MCMBP: variants seen among roughly 807,000 people sequenced by gnomAD.
The protein encoded by MCMBP is minichromosome maintenance complex binding protein.
A neutral mutation model predicts 81.3 loss-of-function variants in MCMBP; 31 were observed. The ratio of observed to expected loss-of-function variants is 0.38; its 90% CI spans 0.29 to 0.51. MCMBP has a LOEUF of 0.51. MCMBP is among the 20% of genes least tolerant of loss of function. The probability of loss-of-function intolerance (pLI) is 0.87; values close to 1 mark genes in which losing one functional copy is unlikely to be tolerated. For missense variants in MCMBP, 645 were observed against 772.1 expected (o/e 0.84, Z 1.95); for synonymous variants, 267 against 275.9 (o/e 0.97, Z 0.32).
chr10:119,841,071 A>G (rs1852415312), intron 10 of MCMBP, 111 bp from the exon 11 acceptor site: 1 of 709,650 alleles, frequency 1.4e-6, no homozygotes, highest in Non-Finnish European at 2.5e-6. Flanking sequence ...ATAAACCAGA[A>G]TATTCTGACC....
intron 14 of MCMBP, among the ~76,000 whole-genome samples, chr10:119,832,705 C>A (rs1419603814): frequency 6.6e-6 from 1 of 152,144 alleles, no homozygotes; most frequent in Non-Finnish European, 1.5e-5. Flanking sequence ...TGGAAGGACC[C>A]ATTTGCAAGG....
rs1227528977 is a variant in MCMBP at position 119,872,826 on chromosome 10, G to A, written c.-242C>T. ...TCAGGCGGGCGCGTACGGGCCCCTA[G>A]CCTTCACTTCGCACAATGGCGGGAA... is the stretch of plus-strand genomic sequence containing the variant. On this transcript the variant is annotated 5_prime_UTR_variant, in exon 1 of 16. Coordinates refer to ENST00000369077, the MANE Select transcript of MCMBP (RefSeq NM_001256378.2). 6.1e-6 allele frequency: 1 copy of A among 165,288 alleles called. No homozygotes were observed. The highest frequency in any genetic ancestry group is 2.4e-5 in the African/African-American group (1 of 41,574). 10.2% of individuals were successfully genotyped at this position (165,288 alleles called of 1,614,324 possible). A position where few individuals can be genotyped will look rare whatever the true frequency, so the allele number is the denominator to read the frequency against.
chr10:119,837,005 C>T lies in MCMBP; in HGVS notation c.1433G>A (p.Ser478Asn). The T allele has an allele frequency of 1.2e-6, 2 of 1,613,630 alleles. No individual in the cohort carries two copies. The highest frequency in any genetic ancestry group is 1.1e-5 in the South Asian group (1 of 91,010). Residue 478 changes from serine (S) to asparagine (N), a missense_variant, in exon 13 of 16, where the codon AGC becomes AAC. Physicochemically the swap from Ser to Asn is conservative, Grantham distance 46. Transcript: ENST00000369077. The stretch of plus-strand genomic sequence containing the variant: ...CACCTTCTGCCACGTTATGAGGTTG[C>T]TCAGGGCTGTCACATTATGAACACC... ...TPGVHNVTAL[S>N]NLITWQKVDY...
chr10:119,863,095 A>G (rs1005040509), intron 1 of MCMBP, among the ~76,000 whole-genome samples: 3 of 152,176 alleles, frequency 2.0e-5, no homozygotes, highest in Non-Finnish European at 4.4e-5. Context: ...CCCAGTGTAT[A>G]GCTTGTCTTT....
chr10:119,835,491 C>T (rs1306855492), intron 14 of MCMBP, 49 bp downstream of exon 14: 3 of 1,496,322 alleles, frequency 2.0e-6, no homozygotes, highest in Non-Finnish European at 2.7e-6. Flanking sequence ...AAATTGGTTG[C>T]ATACTGCAAT....
chr10:119,841,430 G>C (rs1195920026), intron 10 of MCMBP, among the ~76,000 whole-genome samples: 1 of 152,210 alleles, frequency 6.6e-6, no homozygotes, highest in Non-Finnish European at 1.5e-5. Context: ...CTTTATAATA[G>C]AGAAAAGCTA....
intron 9 of MCMBP, 178 bp from the exon 10 acceptor site, chr10:119,842,773 T>C: frequency 3.1e-6 from 2 of 637,098 alleles, no homozygotes; most frequent in East Asian, 7.2e-5. Context: ...CCTCCTTTTT[T>C]TTTTTTTTGA....
At chr10:119,862,309 C>A (rs562303441) in intron 1 of MCMBP, among the ~76,000 whole-genome samples, 74 of 152,044 alleles carry the variant, frequency 4.9e-4, no homozygotes, top group African/African-American at 1.7e-3. Context: ...CTTCGTCCCC[C>A]CCCACACCAC....
At chr10:119,832,680 T>C (rs1589771514) in intron 14 of MCMBP, among the ~76,000 whole-genome samples, 1 of 152,126 alleles carries the variant, frequency 6.6e-6, no homozygotes, top group East Asian at 1.9e-4. Context: ...TCTGACCACC[T>C]GTCTGGTGGC....
At chr10:119,868,913 G>A (rs964329043) in intron 1 of MCMBP, among the ~76,000 whole-genome samples, 2 of 152,318 alleles carry the variant, frequency 1.3e-5, no homozygotes, top group Non-Finnish European at 2.9e-5. Flanking sequence ...GGAGTATGAG[G>A]AGGGGGTACG....
intron 11 of MCMBP, among the ~76,000 whole-genome samples, chr10:119,839,830 G>A (rs892603807): frequency 2.0e-5 from 3 of 152,154 alleles, no homozygotes; most frequent in Non-Finnish European, 2.9e-5. Flanking sequence ...AAAGGCTATC[G>A]AAACCATCCT....
intron 1 of MCMBP, among the ~76,000 whole-genome samples, chr10:119,870,791 G>C (rs1019448629): frequency 6.6e-6 from 1 of 152,082 alleles, no homozygotes; most frequent in Non-Finnish European, 1.5e-5. Context: ...CAGCTTCTAC[G>C]AACACATTAT....
intron 10 of MCMBP, 24 bp from the exon 11 acceptor site, chr10:119,840,984 A>C: frequency 7.4e-7 from 1 of 1,353,304 alleles, no homozygotes; most frequent in Non-Finnish European, 1.1e-6. Context: ...AAATCAATCA[A>C]TAAGATGCTG....
intron 10 of MCMBP, among the ~76,000 whole-genome samples, chr10:119,841,200 CCATT>C (rs1331987081): frequency 6.6e-6 from 1 of 152,194 alleles, no homozygotes; most frequent in Non-Finnish European, 1.5e-5. Flanking sequence ...TAACCCCTAA[CCATT>C]CAGCGGTAGG....
intron 2 of MCMBP, 129 bp from the exon 3 acceptor site, chr10:119,859,310 G>T: frequency 1.4e-6 from 1 of 717,756 alleles, no homozygotes; most frequent in Non-Finnish European, 2.1e-6. Flanking sequence ...ACACACCCAT[G>T]CCACATCAGA....
chr10:119,841,601 A>C (rs917832392), intron 10 of MCMBP, among the ~76,000 whole-genome samples: 3 of 152,262 alleles, frequency 2.0e-5, no homozygotes, highest in Admixed American at 6.5e-5. Context: ...AGTGTAACTA[A>C]GACCTATGCA....
intron 1 of MCMBP, among the ~76,000 whole-genome samples, chr10:119,867,001 G>A (rs553106713): frequency 2.0e-5 from 3 of 151,218 alleles, no homozygotes; most frequent in African/African-American, 4.9e-5. Flanking sequence ...AGTTAAAAGC[G>A]GTTACTTCAG....
rs1387022781 is a variant in MCMBP, at chr10:119,836,909, C to T, written c.1529G>A (p.Arg510Lys). The change falls in exon 13 of 16, where the codon AGG becomes AAG. Residue 510 changes from arginine (R) to lysine (K), a missense_variant. By Grantham distance (26) the Arg-to-Lys change is conservative. Coordinates refer to ENST00000369077, the MANE Select transcript of MCMBP (RefSeq NM_001256378.2). Reference sequence around the variant, plus strand: ...GACTCATCATACCGGGAGGAGTGACCTCCCCTCCGAAGTAATGAAAACGTT... The same window carrying T: ...GACTCATCATACCGGGAGGAGTGACTTCCCCTCCGAAGTAATGAAAACGTT... ...NINVFITSEGRSLLPADCQIH... is the reference protein window; with the variant it reads ...NINVFITSEGKSLLPADCQIH... The T allele has an allele frequency of 6.2e-7, 1 of 1,610,542 alleles. No homozygotes were observed. The highest frequency in any genetic ancestry group is 1.7e-5 in the Admixed American group (1 of 59,630).
rs112036056 is a variant in MCMBP, at chr10:119,832,309, T to C, written c.1708-209A>G. Among the ~76,000 whole-genome samples the C allele has an allele frequency of 1.4e-3, 208 of 152,168 alleles. 1 individual carries two copies. The highest frequency in any genetic ancestry group is 4.6e-3 in the African/African-American group (193 of 41,512). On this transcript the variant is annotated intron_variant, in intron 14 of 15. Coordinates refer to ENST00000369077, the MANE Select transcript of MCMBP (RefSeq NM_001256378.2). ...ATTCATTTAAGGTCAAGCAAACATA[T>C]AAATCAGCAACTGGCATAGGAAACA...
Sources: allele counts gnomAD v4.1 joint callset (sites outside exome capture counted in the v4.1 genomes callset), GRCh38; gene constraint gnomAD v4.1.1; transcripts MANE v1.5; gene names NCBI Gene and HGNC (gene_info 2026-07-23, HGNC 2026-07-21).